RALGPS1: variants seen among roughly 807,000 people sequenced by gnomAD.
The protein encoded by RALGPS1 is ras-specific guanine nucleotide-releasing factor RalGPS1.
A neutral mutation model predicts 78.8 loss-of-function variants in RALGPS1; 19 were observed. That is an observed-to-expected ratio of 0.24 (90% CI 0.17 to 0.35). The LOEUF (loss-of-function observed/expected upper bound fraction) is 0.35, where lower values mean the gene tolerates loss of function less well. Among genes scored for constraint, RALGPS1 ranks in the 10% least tolerant of loss-of-function variants. The pLI is 1.00. For missense variants in RALGPS1, 454 were observed against 688.3 expected (o/e 0.66, Z 3.81); for synonymous variants, 228 against 256.3 (o/e 0.89, Z 1.06).
intron 1 of RALGPS1, among the ~76,000 whole-genome samples, chr9:126,949,118 C>A (rs1215693443): frequency 6.6e-6 from 1 of 152,112 alleles, no homozygotes; most frequent in Non-Finnish European, 1.5e-5. Context: ...CAGTTTCATC[C>A]ATGTCCCTAC....
intron 5 of RALGPS1, among the ~76,000 whole-genome samples, chr9:127,049,689 C>T (rs1188665053): frequency 6.6e-6 from 1 of 152,214 alleles, no homozygotes; most frequent in African/African-American, 2.4e-5. Flanking sequence ...GATCTCCCCA[C>T]AACTGGGATC....
intron 8 of RALGPS1, among the ~76,000 whole-genome samples, chr9:127,154,539 G>C (rs1431107820): frequency 6.6e-6 from 1 of 152,218 alleles, no homozygotes; most frequent in African/African-American, 2.4e-5. Flanking sequence ...AATCAGTAAA[G>C]AATTTACTTT....
intron 8 of RALGPS1, among the ~76,000 whole-genome samples, chr9:127,131,587 C>T (rs978104174): frequency 2.0e-5 from 3 of 152,328 alleles, no homozygotes; most frequent in Admixed American, 6.5e-5. Flanking sequence ...TCTACATCTA[C>T]GCAGCCAGTA....
chr9:127,153,545 A>T (rs2058546785), intron 8 of RALGPS1, among the ~76,000 whole-genome samples: 1 of 151,946 alleles, frequency 6.6e-6, no homozygotes, highest in Non-Finnish European at 1.5e-5. Context: ...GGAGGTCCTC[A>T]GTGAGTATTT....
At chr9:127,166,560 G>A (rs114274455) in intron 9 of RALGPS1, among the ~76,000 whole-genome samples, 1 of 152,118 alleles carries the variant, frequency 6.6e-6, no homozygotes, top group African/African-American at 2.4e-5. Context: ...TCGGGGACCA[G>A]CCTTCATTGT....
chr9:127,010,587 G>C lies in RALGPS1; in HGVS notation c.217-23844G>C, dbSNP rs559975756. ...CCTAATATGTCATTTGCCTCTTGGGGCCCTTCTGGCTTTGAGAGCCCTATC... is the reference window on the plus strand; with the variant it reads ...CCTAATATGTCATTTGCCTCTTGGGCCCCTTCTGGCTTTGAGAGCCCTATC... On this transcript the variant is annotated intron_variant, in intron 4 of 18. Transcript: ENST00000259351. 5.3e-5 allele frequency among the ~76,000 whole-genome samples: 8 copies of C among 152,288 alleles called. No homozygotes were observed. The East Asian group carries it at 1.5e-3, about 29-fold the overall frequency.
chr9:127,168,794 T>C, intron 10 of RALGPS1, 22 bp downstream of exon 10: 1 of 1,573,794 alleles, frequency 6.4e-7, no homozygotes, highest in Non-Finnish European at 8.7e-7. Flanking sequence ...CGTATTCCTG[T>C]GTCAGGCCTC....
At chr9:127,156,881 A>G (rs2058732458) in intron 8 of RALGPS1, among the ~76,000 whole-genome samples, 1 of 152,004 alleles carries the variant, frequency 6.6e-6, no homozygotes, top group Admixed American at 6.5e-5. Context: ...TCCCTAATTT[A>G]TCTGTAATTT....
chr9:127,056,537 G>C (rs1371132760), intron 7 of RALGPS1, among the ~76,000 whole-genome samples: 2 of 152,174 alleles, frequency 1.3e-5, no homozygotes, highest in African/African-American at 2.4e-5. Flanking sequence ...ATTTGGCATA[G>C]AACATTTAGG....
intron 1 of RALGPS1, 24 bp downstream of exon 1, chr9:126,914,999 C>A (rs1422846078): frequency 6.7e-6 from 1 of 149,418 alleles, no homozygotes; most frequent in East Asian, 2.0e-4. Flanking sequence ...ACTGCGGCGG[C>A]GGGGAGAGCG....
intron 8 of RALGPS1, among the ~76,000 whole-genome samples, chr9:127,105,747 G>C (rs2054157709): frequency 6.6e-6 from 1 of 152,180 alleles, no homozygotes; most frequent in South Asian, 2.1e-4. Context: ...TTAGGGACTA[G>C]AAATCATGGG....
At chr9:126,935,804 A>G (rs573252854) in intron 1 of RALGPS1, among the ~76,000 whole-genome samples, 135 of 152,364 alleles carry the variant, frequency 8.9e-4, no homozygotes, top group African/African-American at 3.1e-3. Context: ...ACAGCAAGGA[A>G]GTGGCAGAGT....
In RALGPS1 at chr9:127,032,877, A is replaced by G. The variant is rs573219248; in HGVS notation, c.217-1554A>G. 5.3e-5 allele frequency among the ~76,000 whole-genome samples: 8 copies of G among 152,364 alleles called. No individual in the cohort carries two copies. The South Asian group carries it at 1.7e-3, about 32-fold the overall frequency. ...CCAAGTGCAAATATATGTCATCAGA[A>G]CAAGAAGAATCATAGTAAACAGCTG... On this transcript the variant is annotated intron_variant, in intron 4 of 18. Coordinates refer to ENST00000259351, the MANE Select transcript of RALGPS1 (RefSeq NM_014636.3).
chr9:127,008,090 G>C (rs2044011463), intron 4 of RALGPS1, among the ~76,000 whole-genome samples: 1 of 151,136 alleles, frequency 6.6e-6, no homozygotes, highest in Admixed American at 6.6e-5. Flanking sequence ...AGAGAGGGAG[G>C]AGTCAAGGAT....
At position 127,218,688 on chromosome 9, in the gene RALGPS1, T is replaced by G. The variant is rs1016117030; in HGVS notation, c.1645-52T>G. On this transcript the variant is annotated intron_variant, in intron 18 of 18. Coordinates refer to ENST00000259351, the MANE Select transcript of RALGPS1 (RefSeq NM_014636.3). The surrounding 1 kb of genome is among the most constrained non-coding windows in gnomAD (Gnocchi z 4.4). ...CCTTCCCCTAGGGACCACCACCCCT[T>G]GTCCTTCTCTGAGGTCGGAACTTTA... 1 of 1,583,476 alleles carries G rather than the reference T, an allele frequency of 6.3e-7. No individual in the cohort carries two copies. The highest frequency in any genetic ancestry group is 1.3e-5 in the African/African-American group (1 of 74,174).
chr9:127,058,417 G>A (rs75451001), intron 7 of RALGPS1, among the ~76,000 whole-genome samples: 1,937 of 152,250 alleles, frequency 0.013, 41 homozygotes, highest in African/African-American at 0.044. Context: ...GACCAAGAGT[G>A]GAAACTGGGG....
chr9:127,010,246 C>T, intron 4 of RALGPS1, among the ~76,000 whole-genome samples: 1 of 152,150 alleles, frequency 6.6e-6, no homozygotes, highest in Non-Finnish European at 1.5e-5. Context: ...CATCTCTCTC[C>T]TCTTTGTCCT....
Position 127,218,751 on chromosome 9 carries a change from C to T in RALGPS1, c.1656C>T (p.Asn552=), listed in dbSNP as rs2062697722. The T allele has an allele frequency of 6.2e-7, 1 of 1,614,140 alleles. No homozygotes were observed. The highest frequency in any genetic ancestry group is 8.5e-7 in the Non-Finnish European group (1 of 1,179,950). The change falls in exon 19 of 19, where the codon AAC becomes AAT. Residue 552 remains asparagine (N), a synonymous_variant. Coordinates refer to ENST00000259351, the MANE Select transcript of RALGPS1 (RefSeq NM_014636.3). The surrounding 1 kb of genome is among the most constrained non-coding windows in gnomAD (Gnocchi z 4.4). ...CKSNRPQVPA[N]LMSFE is the part of the protein sequence containing the mutation. ...GCTTTCTCTTCTAGGTACCTGCAAA[C>T]CTTATGTCATTTGAGTAAGTCTCTG...
intron 8 of RALGPS1, among the ~76,000 whole-genome samples, chr9:127,083,561 C>T (rs779569562): frequency 7.2e-5 from 11 of 152,216 alleles, no homozygotes; most frequent in Admixed American, 2.0e-4. Flanking sequence ...TGGTTCCTGG[C>T]CCTTGTGAGG....
Sources: allele counts gnomAD v4.1 joint callset (sites outside exome capture counted in the v4.1 genomes callset), GRCh38; gene constraint gnomAD v4.1.1; non-coding constraint Gnocchi (gnomAD v3.1); transcripts MANE v1.5; gene names NCBI Gene and HGNC (gene_info 2026-07-23, HGNC 2026-07-21).